BMP5: variants seen among roughly 807,000 people sequenced by gnomAD.
BMP5 encodes bone morphogenetic protein 5.
BMP5 carries 23 observed loss-of-function variants against 46.6 expected under a neutral mutation model. That is an observed-to-expected ratio of 0.49 (90% CI 0.35 to 0.70). BMP5 has a LOEUF of 0.70. Ranked by LOEUF, BMP5 falls within the 30% of genes least tolerant of loss-of-function variation. The probability of loss-of-function intolerance (pLI) is 0.00; values close to 1 mark genes in which losing one functional copy is unlikely to be tolerated. For missense variants in BMP5, 545 were observed against 565.6 expected (o/e 0.96, Z 0.37); for synonymous variants, 204 against 191.9 (o/e 1.06, Z -0.52).
At chr6:55,866,807 A>AT (rs1399221079) in intron 1 of BMP5, among the ~76,000 whole-genome samples, 2 of 151,954 alleles carry the variant, frequency 1.3e-5, no homozygotes, top group East Asian at 1.9e-4. Flanking sequence ...CAATTTAAGG[A>AT]TTTTTTCTTT....
chr6:55,809,267 G>A (rs1195448093), intron 2 of BMP5, among the ~76,000 whole-genome samples: 3 of 152,132 alleles, frequency 2.0e-5, no homozygotes, highest in African/African-American at 7.2e-5. Flanking sequence ...TGTATAGTGT[G>A]TAAATGTATA....
intron 1 of BMP5, among the ~76,000 whole-genome samples, chr6:55,843,646 T>C (rs1777020999): frequency 6.6e-6 from 1 of 152,002 alleles, no homozygotes; most frequent in Non-Finnish European, 1.5e-5. Context: ...TATGGTGGAG[T>C]AATCTGAGAT....
At chr6:55,767,325 T>A (rs1371722186) in intron 4 of BMP5, among the ~76,000 whole-genome samples, 2 of 152,046 alleles carry the variant, frequency 1.3e-5, no homozygotes, top group Non-Finnish European at 2.9e-5. Context: ...ACCAGTTCTA[T>A]AAAACCAATT....
chr6:55,760,819 C>T (rs958608794), intron 4 of BMP5, among the ~76,000 whole-genome samples: 1 of 151,840 alleles, frequency 6.6e-6, no homozygotes, highest in Non-Finnish European at 1.5e-5. Flanking sequence ...TGGTGTCTGT[C>T]GTTCATTGAG....
intron 1 of BMP5, among the ~76,000 whole-genome samples, chr6:55,858,179 C>T (rs1777444955): frequency 6.6e-6 from 1 of 152,170 alleles, no homozygotes; most frequent in Non-Finnish European, 1.5e-5. Context: ...AATCTATTTG[C>T]TCACCTCATT....
chr6:55,832,068 C>T (rs1391646382), intron 1 of BMP5, among the ~76,000 whole-genome samples: 4 of 152,120 alleles, frequency 2.6e-5, no homozygotes, highest in Admixed American at 2.6e-4. Flanking sequence ...TCACAAATAT[C>T]CCATTTACCA....
intron 3 of BMP5, among the ~76,000 whole-genome samples, chr6:55,790,010 G>T (rs1344046285): frequency 6.6e-6 from 1 of 152,084 alleles, no homozygotes; most frequent in African/African-American, 2.4e-5. Context: ...TGCTACTTTT[G>T]ATTTCAGCAG....
At chr6:55,850,475 G>GGAT in intron 1 of BMP5, among the ~76,000 whole-genome samples, 1 of 152,086 alleles carries the variant, frequency 6.6e-6, no homozygotes, top group South Asian at 2.1e-4. Context: ...CCTTAATCAG[G>GGAT]GATGCTGGGC....
intron 3 of BMP5, among the ~76,000 whole-genome samples, chr6:55,791,863 A>C (rs1286407371): frequency 6.6e-6 from 1 of 152,240 alleles, no homozygotes; most frequent in Non-Finnish European, 1.5e-5. Context: ...GGAGAAGCAC[A>C]TACCACTAAT....
At chr6:55,813,066 C>T (rs1467269077) in intron 2 of BMP5, among the ~76,000 whole-genome samples, 2 of 151,984 alleles carry the variant, frequency 1.3e-5, no homozygotes, top group African/African-American at 4.8e-5. Context: ...TCTTCATTTC[C>T]TATGAGAAAA....
chr6:55,819,588 A>C, intron 2 of BMP5, 67 bp downstream of exon 2: 2 of 1,293,026 alleles, frequency 1.5e-6, no homozygotes, highest in Non-Finnish European at 2.2e-6. Flanking sequence ...CACATGAGTT[A>C]TCAATGGCTT....
At chr6:55,851,340 C>T (rs941984551) in intron 1 of BMP5, among the ~76,000 whole-genome samples, 1 of 152,036 alleles carries the variant, frequency 6.6e-6, no homozygotes, top group South Asian at 2.1e-4. Context: ...AGTCCTATGA[C>T]AATGTCATGG....
In BMP5 at chr6:55,793,858, G is replaced by A. The variant is rs577524515; in HGVS notation, c.832+421C>T. ...ATACATATTTATCATTGTTTTAGTC[G>A]AGCTTTAAGACATAATTTGCATATA... On this transcript the variant is annotated intron_variant, in intron 3 of 6. Coordinates refer to ENST00000370830, the MANE Select transcript of BMP5 (RefSeq NM_021073.4). Among the ~76,000 whole-genome samples, 40 of 151,816 alleles carry A rather than the reference G, an allele frequency of 2.6e-4. 1 individual carries two copies. Among genetic ancestry groups the A allele is most frequent in the Admixed American group, 2.2e-3 (34 of 15,264 alleles).
intron 3 of BMP5, among the ~76,000 whole-genome samples, chr6:55,784,216 G>A (rs1775392973): frequency 6.6e-6 from 1 of 151,748 alleles, no homozygotes; most frequent in Non-Finnish European, 1.5e-5. Flanking sequence ...TTGAAGAAGA[G>A]AACTGTCGTT....
At chr6:55,838,299 C>T (rs1367288834) in intron 1 of BMP5, among the ~76,000 whole-genome samples, 4 of 152,152 alleles carry the variant, frequency 2.6e-5, no homozygotes, top group East Asian at 3.8e-4. Flanking sequence ...CCCTCACAAG[C>T]GTTTGTTATT....
intron 1 of BMP5, chr6:55,865,495 TG>T (rs1260354179): frequency 2.2e-6 from 1 of 460,732 alleles, no homozygotes; most frequent in Non-Finnish European, 4.4e-6. Context: ...GTCCGTCTCA[TG>T]AAGGCTCTGA....
At chr6:55,839,008 C>G (rs935377463) in intron 1 of BMP5, among the ~76,000 whole-genome samples, 3 of 152,104 alleles carry the variant, frequency 2.0e-5, no homozygotes, top group African/African-American at 7.2e-5. Flanking sequence ...AATTCCCAAT[C>G]AAGATATAAT....
At position 55,807,461 on chromosome 6, in the gene BMP5, T is replaced by C. The variant is rs2218589; in HGVS notation, c.683+12194A>G. 6.8e-3 allele frequency among the ~76,000 whole-genome samples: 1,036 copies of C among 152,326 alleles called. 13 individuals carry two copies. The highest frequency in any genetic ancestry group is 0.023 in the African/African-American group (976 of 41,574). ...TTTTGGATGTGCTGCTGGAATCGGT[T>C]TGCCAGTATTTTATTGAGGATTTTC... On this transcript the variant is annotated intron_variant, in intron 2 of 6. Coordinates refer to ENST00000370830, the MANE Select transcript of BMP5 (RefSeq NM_021073.4).
At chr6:55,842,847 T>C (rs1278767963) in intron 1 of BMP5, among the ~76,000 whole-genome samples, 1 of 152,158 alleles carries the variant, frequency 6.6e-6, no homozygotes, top group African/African-American at 2.4e-5. Context: ...AAAATTAATC[T>C]ACCACAGGCA....
Sources: gnomAD v4.1 joint callset for allele counts (sites outside exome capture counted in the v4.1 genomes callset) on GRCh38, gnomAD v4.1.1 for gene constraint, MANE v1.5 for transcripts, NCBI Gene and HGNC (gene_info 2026-07-23, HGNC 2026-07-21) for gene names.